Variants in HACL1 observed in about 807,000 individuals in gnomAD.
HACL1 encodes the protein 2-hydroxyacyl-CoA lyase 1, also known as 1600020H07Rik.
A neutral mutation model predicts 74.2 loss-of-function variants in HACL1; 64 were observed. The observed-to-expected ratio is 0.86, with a 90% CI of 0.70 to 1.06. HACL1 has a LOEUF of 1.06. Among genes scored for constraint, HACL1 ranks in the 50% least tolerant of loss-of-function variants. HACL1 has a pLI of 0.00. For missense variants in HACL1, 728 were observed against 719.7 expected (o/e 1.01, Z -0.13); for synonymous variants, 230 against 238.8 (o/e 0.96, Z 0.34).
chr3:15,564,778 G>A, intron 14 of HACL1, 120 bp from the exon 15 acceptor site: 29 of 535,542 alleles, frequency 5.4e-5, no homozygotes, highest in South Asian at 8.3e-5. Flanking sequence ...TATTATTAGA[G>A]GAAGACTAAA....
chr3:15,588,508 G>C (rs1455163814), intron 5 of HACL1, among the ~76,000 whole-genome samples: 1 of 152,088 alleles, frequency 6.6e-6, no homozygotes, highest in Non-Finnish European at 1.5e-5. Context: ...TGGGAGGATG[G>C]CTTAAGCCTA....
chr3:15,590,814 C>T (rs970812069), intron 4 of HACL1, among the ~76,000 whole-genome samples: 5 of 152,204 alleles, frequency 3.3e-5, no homozygotes, highest in Non-Finnish European at 7.3e-5. Context: ...GGTGCGGTGG[C>T]TCATGCCTGT....
chr3:15,587,984 C>T (rs1462009099), intron 5 of HACL1, among the ~76,000 whole-genome samples: 1 of 152,022 alleles, frequency 6.6e-6, no homozygotes, highest in Non-Finnish European at 1.5e-5. Context: ...ACCTCTGCCT[C>T]CTGGGTTCAA....
chr3:15,566,142 T>C (rs2063430599), intron 14 of HACL1, among the ~76,000 whole-genome samples: 1 of 152,222 alleles, frequency 6.6e-6, no homozygotes, highest in East Asian at 1.9e-4. Context: ...TTGAACGTTT[T>C]ATCTACCAAA....
Position 15,580,019 on chromosome 3 carries a change from T to G in HACL1, c.694A>C (p.Ser232Arg), listed in dbSNP as rs777880964. 6.2e-7 allele frequency: 1 copy of G among 1,611,896 alleles called. No individual in the cohort carries two copies. The highest frequency in any genetic ancestry group is 1.3e-5 in the African/African-American group (1 of 74,998). Reference sequence around the variant, plus strand: ...TATTGCTCCACCAATTTCTTGATACTCTCTTCTGCATGAGCGTAAGCAGCA... The same window carrying G: ...TATTGCTCCACCAATTTCTTGATACGCTCTTCTGCATGAGCGTAAGCAGCA... The part of the protein sequence containing the change: ...KGAAYAHAEE[S>R]IKKLVEQYKL... Residue 232 changes from serine to arginine, a missense_variant, in exon 9 of 17, where the codon AGT becomes CGT. Ser to Arg is a moderately radical substitution (Grantham distance 110). Transcript: ENST00000321169.
rs1281785007 is a variant in HACL1 at position 15,580,029 on chromosome 3, AT to A, written c.683del (p.His228LeufsTer35). 1.2e-6 allele frequency: 2 copies of A among 1,612,596 alleles called. No homozygotes were observed. The highest frequency in any genetic ancestry group is 2.7e-5 in the African/African-American group (2 of 74,916). On this transcript the variant is annotated frameshift_variant, in exon 9 of 17. Coordinates refer to ENST00000321169, the MANE Select transcript of HACL1 (RefSeq NM_012260.4). LOFTEE classifies it high-confidence loss of function. ...LIIGKGAAYA[H>X]AEESIKKLVE... ...CCAATTTCTTGATACTCTCTTCTGC[AT>A]GAGCGTAAGCAGCACCTATAAGAAA...
chr3:15,589,984 G>A (rs796756860), intron 4 of HACL1, among the ~76,000 whole-genome samples: 2 of 151,988 alleles, frequency 1.3e-5, no homozygotes, highest in Non-Finnish European at 2.9e-5. Context: ...ACAGTGAGCC[G>A]AGATTGTGCC....
At chr3:15,585,212 C>T in intron 7 of HACL1, 36 bp downstream of exon 7, 1 of 988,100 alleles carries the variant, frequency 1.0e-6, no homozygotes, top group Non-Finnish European at 1.6e-6. Flanking sequence ...AATACATGTA[C>T]ATTGAAGAAA....
chr3:15,571,563 T>C, intron 12 of HACL1, 105 bp downstream of exon 12: 1 of 738,468 alleles, frequency 1.4e-6, no homozygotes, highest in Non-Finnish European at 2.4e-6. Context: ...ACTGCACAAT[T>C]TTGCACATCA....
chr3:15,568,628 C>A, intron 12 of HACL1, 42 bp from the exon 13 acceptor site: 1 of 1,111,488 alleles, frequency 9.0e-7, no homozygotes, highest in Non-Finnish European at 1.3e-6. Context: ...AATTGGGATA[C>A]AATGAAAATA....
chr3:15,585,446 T>C (rs2063778352), intron 6 of HACL1, 104 bp from the exon 7 acceptor site: 2 of 702,676 alleles, frequency 2.8e-6, no homozygotes, highest in Non-Finnish European at 5.1e-6. Flanking sequence ...TTCATTTTTC[T>C]GGACATCCTT....
In HACL1 at chr3:15,564,567, G is replaced by C; in HGVS notation, c.1501C>G (p.Gln501Glu). 6.8e-7 allele frequency: 1 copy of C among 1,474,532 alleles called. No homozygotes were observed. The highest frequency in any genetic ancestry group is 9.4e-7 in the Non-Finnish European group (1 of 1,058,578). The allele number at this position is 1,474,532 out of a possible 1,614,324, so 91.3% of individuals were successfully genotyped here. A position where few individuals can be genotyped will look rare whatever the true frequency, so the allele number is the denominator to read the frequency against. ...GTTACTTACACTGCAGTAGCATCTT[G>C]AAATTTTAACATTTCTTTCCAAGTA... ...TDTWKEMLKF[Q>E]DATAVVPPMC... Residue 501 changes from glutamine to glutamate, a missense_variant, in exon 15 of 17, where the codon CAA becomes GAA. Coordinates refer to ENST00000321169, the MANE Select transcript of HACL1 (RefSeq NM_012260.4).
Position 15,579,936 on chromosome 3 carries a change from T to G in HACL1, c.777A>C (p.Pro259=). 1 of 1,612,110 alleles carries G rather than the reference T, an allele frequency of 6.2e-7. No homozygotes were observed. Among genetic ancestry groups the G allele is most frequent in the African/African-American group, 1.3e-5 (1 of 74,974 alleles). ...TGGATCTGGCTGCACCTACACAGTATGGATGGTTGTCAGGGACAACACCCT... is the reference window on the plus strand; with the variant it reads ...TGGATCTGGCTGCACCTACACAGTAGGGATGGTTGTCAGGGACAACACCCT... The part of the protein sequence containing the change: ...MGKGVVPDNH[P]YCVGAARSRA... Residue 259 remains proline (P), a synonymous_variant, in exon 9 of 17, where the codon CCA becomes CCC. Coordinates refer to ENST00000321169, the MANE Select transcript of HACL1 (RefSeq NM_012260.4).
intron 5 of HACL1, among the ~76,000 whole-genome samples, chr3:15,587,295 T>C (rs1258941626): frequency 6.8e-6 from 1 of 147,750 alleles, no homozygotes; most frequent in Non-Finnish European, 1.5e-5. Context: ...CTTTCTCTTC[T>C]GTTTTTAAAT....
intron 11 of HACL1, among the ~76,000 whole-genome samples, chr3:15,572,430 C>T (rs1350440468): frequency 2.0e-5 from 3 of 152,184 alleles, no homozygotes; most frequent in Non-Finnish European, 2.9e-5. Flanking sequence ...GTGCTACCTC[C>T]TCCACACCTC....
chr3:15,567,983 C>T lies in HACL1; in HGVS notation c.1270G>A (p.Gly424Arg), dbSNP rs138812073. ...AATCCCAAACCAACTCCCATTGTTCCGAAAGTACCAGCATCAAGCCTGTTG... is the reference window on the plus strand; with the variant it reads ...AATCCCAAACCAACTCCCATTGTTCTGAAAGTACCAGCATCAAGCCTGTTG... ...PRHRLDAGTF[G>R]TMGVGLGFAI... Residue 424 changes from glycine to arginine, a missense_variant, in exon 14 of 17, where the codon GGA becomes AGA. Physicochemically the swap from Gly to Arg is moderately radical, Grantham distance 125. Coordinates refer to ENST00000321169, the MANE Select transcript of HACL1 (RefSeq NM_012260.4). 8.0e-4 allele frequency: 1,284 copies of T among 1,614,106 alleles called. 1 individual carries two copies. The highest frequency in any genetic ancestry group is 1.0e-3 in the Non-Finnish European group (1,215 of 1,179,986).
At chr3:15,582,655 T>G (rs1435706372) in intron 8 of HACL1, among the ~76,000 whole-genome samples, 3 of 152,194 alleles carry the variant, frequency 2.0e-5, no homozygotes, top group Non-Finnish European at 1.5e-5. Flanking sequence ...ATTTCACTAA[T>G]AAGACCAAAG....
intron 3 of HACL1, among the ~76,000 whole-genome samples, chr3:15,593,963 A>G (rs2064009671): frequency 6.6e-6 from 1 of 151,810 alleles, no homozygotes. Flanking sequence ...ACACCCGGCT[A>G]ATTTTTGTAT....
intron 7 of HACL1, 32 bp from the exon 8 acceptor site, chr3:15,583,021 G>C (rs750532297): frequency 1.0e-6 from 1 of 989,746 alleles, no homozygotes; most frequent in African/African-American, 1.6e-5. Context: ...AATTAAAAGA[G>C]GCCAACTATG....
Sources: gnomAD v4.1 joint callset for allele counts (sites outside exome capture counted in the v4.1 genomes callset) on GRCh38, gnomAD v4.1.1 for gene constraint, MANE v1.5 for transcripts, NCBI Gene and HGNC (gene_info 2026-07-23, HGNC 2026-07-21) for gene names.